CA1: variants seen among roughly 807,000 people sequenced by gnomAD.
CA1 encodes carbonic anhydrase 1.
CA1 carries 27 observed loss-of-function variants against 28.8 expected under a neutral mutation model. The ratio of observed to expected loss-of-function variants is 0.94; its 90% CI spans 0.69 to 1.29. The LOEUF (loss-of-function observed/expected upper bound fraction) is 1.29. Ranked by LOEUF, CA1 falls within the 50% of genes most tolerant of loss-of-function variation. The pLI, the probability that CA1 is intolerant of heterozygous loss-of-function variation, is 0.00. For missense variants in CA1, 335 were observed against 310.5 expected, an observed-to-expected ratio of 1.08 and a Z score of -0.59; for synonymous variants, 121 against 108.8, an observed-to-expected ratio of 1.11 and a Z score of -0.70.
chr8:85,355,304 C>A (rs951123269), intron 1 of CA1, among the ~76,000 whole-genome samples: 1 of 152,158 alleles, frequency 6.6e-6, no homozygotes, highest in Non-Finnish European at 1.5e-5. Context: ...TTTTCTCTAA[C>A]TGAAGTATGA....
intron 2 of CA1, among the ~76,000 whole-genome samples, chr8:85,340,538 A>G (rs918924360): frequency 2.0e-5 from 3 of 152,214 alleles, no homozygotes; most frequent in Non-Finnish European, 2.9e-5. Flanking sequence ...TCTGCAGTCT[A>G]TGGATCAAGG....
chr8:85,344,265 TAATATATAATTATATATTA>T (rs1809072743), intron 1 of CA1, among the ~76,000 whole-genome samples: 2 of 68,832 alleles, frequency 2.9e-5, no homozygotes, highest in Non-Finnish European at 6.1e-5. Flanking sequence ...ATACAGTATA[TAATATATAATTATATATTA>T]TATACAGTAT....
At chr8:85,365,225 A>G (rs530100306) in intron 1 of CA1, among the ~76,000 whole-genome samples, 5 of 152,260 alleles carry the variant, frequency 3.3e-5, no homozygotes, top group Admixed American at 1.3e-4. Context: ...GGTGACTTCT[A>G]TGAACTTCCA....
intron 1 of CA1, among the ~76,000 whole-genome samples, chr8:85,366,525 G>A (rs981628213): frequency 1.1e-4 from 16 of 152,112 alleles, no homozygotes; most frequent in East Asian, 3.9e-4. Flanking sequence ...ATATTCCTGC[G>A]GAAGCACGAA....
intron 2 of CA1, chr8:85,341,002 A>G (rs147321739): frequency 0.014 from 2,200 of 152,670 alleles, 51 homozygotes; most frequent in African/African-American, 0.05. Context: ...AAAATTAGCT[A>G]GGCGTGGTGG....
chr8:85,371,905 C>T (rs1012791052), intron 1 of CA1, among the ~76,000 whole-genome samples: 1 of 152,060 alleles, frequency 6.6e-6, no homozygotes, highest in African/African-American at 2.4e-5. Context: ...TAAGCTCAAC[C>T]ATCAAACATC....
At chr8:85,369,460 A>C (rs1810135639) in intron 1 of CA1, among the ~76,000 whole-genome samples, 1 of 152,206 alleles carries the variant, frequency 6.6e-6, no homozygotes, top group Non-Finnish European at 1.5e-5. Context: ...TTAATGACAG[A>C]AAATAGCTTA....
chr8:85,334,481 T>G (rs1564021252), intron 4 of CA1, among the ~76,000 whole-genome samples: 1 of 152,162 alleles, frequency 6.6e-6, no homozygotes, highest in East Asian at 1.9e-4. Flanking sequence ...ATGCCACTCC[T>G]TAAATAATTC....
chr8:85,361,578 G>A (rs930084866), intron 1 of CA1, among the ~76,000 whole-genome samples: 10 of 152,152 alleles, frequency 6.6e-5, no homozygotes, highest in Admixed American at 2.6e-4. Context: ...TTGGGAGGCC[G>A]AGACAGGAGA....
Position 85,337,016 on chromosome 8 carries a change from G to A in CA1, c.283C>T (p.His95Tyr). The A allele has an allele frequency of 6.2e-7, 1 of 1,613,286 alleles. No individual in the cohort carries two copies. The highest frequency in any genetic ancestry group is 8.5e-7 in the Non-Finnish European group (1 of 1,179,340). ...FSDSYRLFQF[H>Y]FHWGSTNEHG... ...TCATTTGTACTGCCCCAGTGAAAAT[G>A]GAACTGAAAGAGCCTGTAGCTGTCA... The change falls in exon 4 of 8, where the codon CAT becomes TAT. Residue 95 changes from histidine (H) to tyrosine (Y), a missense_variant. Physicochemically the swap from His to Tyr is moderately conservative, Grantham distance 83. Transcript: ENST00000523022.
chr8:85,356,999 C>T (rs983832437), intron 1 of CA1, among the ~76,000 whole-genome samples: 5 of 152,124 alleles, frequency 3.3e-5, no homozygotes, highest in Admixed American at 6.5e-5. Flanking sequence ...GAAAGCAATA[C>T]AACACAAATA....
At chr8:85,362,130 G>A (rs184888838) in intron 1 of CA1, among the ~76,000 whole-genome samples, 2 of 152,248 alleles carry the variant, frequency 1.3e-5, no homozygotes, top group East Asian at 3.9e-4. Context: ...GTCTTTTCCA[G>A]TTTCTATGTG....
chr8:85,354,440 C>T (rs1170070886), intron 1 of CA1, among the ~76,000 whole-genome samples: 1 of 152,032 alleles, frequency 6.6e-6, no homozygotes, highest in African/African-American at 2.4e-5. Context: ...ATTCTTCCTT[C>T]CAGAAAAAGT....
intron 1 of CA1, among the ~76,000 whole-genome samples, chr8:85,361,622 A>G (rs1299813389): frequency 6.6e-6 from 1 of 152,156 alleles, no homozygotes; most frequent in African/African-American, 2.4e-5. Flanking sequence ...GGTTGCAGTG[A>G]GCCATCACAC....
In CA1 at chr8:85,352,665, CA is replaced by C. The variant is rs1426361107; in HGVS notation, c.-24-11007del. Among the ~76,000 whole-genome samples the C allele has an allele frequency of 6.4e-5, 9 of 141,234 alleles. No individual in the cohort carries two copies. The East Asian group carries it at 6.9e-4, about 11-fold the overall frequency. 92.7% of individuals were successfully genotyped at this position (141,234 alleles called of 152,430 possible). On this transcript the variant is annotated intron_variant, in intron 1 of 7. Coordinates refer to ENST00000523022, the MANE Select transcript of CA1 (RefSeq NM_001128831.4). ...TTCCTGCCAGCTCAGCCCTCAGCTC[CA>C]TTTTTTTTTTTTTTTTTTGAGACAT...
intron 1 of CA1, among the ~76,000 whole-genome samples, chr8:85,344,281 ATT>A (rs1809078966): frequency 3.1e-5 from 2 of 63,686 alleles, no homozygotes; most frequent in Non-Finnish European, 7.2e-5. Flanking sequence ...ATAATTATAT[ATT>A]ATATACAGTA....
At chr8:85,347,149 T>C (rs1809224484) in intron 1 of CA1, among the ~76,000 whole-genome samples, 1 of 152,234 alleles carries the variant, frequency 6.6e-6, no homozygotes. Context: ...TCTTAAATCC[T>C]TTTATCAAAG....
Position 85,334,891 on chromosome 8 carries a change from G to A in CA1, c.355-1271C>T, listed in dbSNP as rs74518532. Among the ~76,000 whole-genome samples, 1,220 of 152,174 alleles carry A rather than the reference G, an allele frequency of 8.0e-3. 15 individuals are homozygous for A. The highest frequency in any genetic ancestry group is 0.028 in the African/African-American group (1,152 of 41,526). On this transcript the variant is annotated intron_variant, in intron 4 of 7. Coordinates refer to ENST00000523022, the MANE Select transcript of CA1 (RefSeq NM_001128831.4). The stretch of plus-strand genomic sequence containing the variant: ...TGTAATCCCAGCTACTCAGGAGGCC[G>A]GGGCAGGAGAATCACTTGAACCTGA...
At chr8:85,336,288 A>G (rs1808649613) in intron 4 of CA1, among the ~76,000 whole-genome samples, 1 of 152,222 alleles carries the variant, frequency 6.6e-6, no homozygotes, top group Non-Finnish European at 1.5e-5. Context: ...ATGGGTACAC[A>G]TGTATTATAT....
Sources: allele counts gnomAD v4.1 joint callset (sites outside exome capture counted in the v4.1 genomes callset), GRCh38; gene constraint gnomAD v4.1.1; transcripts MANE v1.5; gene names NCBI Gene and HGNC (gene_info 2026-07-23, HGNC 2026-07-21).